CDH13: variants seen among roughly 807,000 people sequenced by gnomAD.
CDH13 encodes cadherin 13.
Under a neutral mutation model 63.8 loss-of-function variants are expected in CDH13, and 24 were observed. That is an observed-to-expected ratio of 0.38 (90% CI 0.27 to 0.53). The LOEUF (loss-of-function observed/expected upper bound fraction) is 0.53. CDH13 is among the 20% of genes least tolerant of loss of function. The probability of loss-of-function intolerance (pLI) is 0.85; values close to 1 mark genes in which losing one functional copy is unlikely to be tolerated. For synonymous variants in CDH13, 503 were observed against 355.3 expected (o/e 1.42, Z -4.67); for missense variants, 1,049 against 903.1 (o/e 1.16, Z -2.07).
chr16:83,375,967 C>A (rs937815327), intron 6 of CDH13, among the ~76,000 whole-genome samples: 1 of 151,752 alleles, frequency 6.6e-6, no homozygotes, highest in African/African-American at 2.4e-5. Context: ...TGAGTTTAAG[C>A]AGGGAAAAAA....
intron 3 of CDH13, among the ~76,000 whole-genome samples, chr16:83,090,205 T>G (rs1442987369): frequency 6.6e-6 from 1 of 152,156 alleles, no homozygotes; most frequent in Non-Finnish European, 1.5e-5. Flanking sequence ...TTCAGGCTCT[T>G]TCGTGCCTCC....
intron 2 of CDH13, among the ~76,000 whole-genome samples, chr16:82,958,667 G>C (rs151230034): frequency 0.012 from 1,838 of 152,318 alleles, 32 homozygotes; most frequent in African/African-American, 0.041. Context: ...GTAGAGAAGT[G>C]TAAGTTCAAA....
intron 5 of CDH13, among the ~76,000 whole-genome samples, chr16:83,259,954 C>A (rs1241753873): frequency 1.3e-5 from 2 of 152,048 alleles, no homozygotes; most frequent in African/African-American, 4.8e-5. Context: ...GTGATTCTAA[C>A]AATTGAAAGA....
chr16:83,747,981 A>G (rs1912742929), intron 10 of CDH13, 127 bp from the exon 11 acceptor site: 1 of 959,596 alleles, frequency 1.0e-6, no homozygotes, highest in African/African-American at 1.6e-5. Flanking sequence ...TGTAACAGAA[A>G]TGATGGTTTT....
intron 3 of CDH13, among the ~76,000 whole-genome samples, chr16:83,036,091 C>T (rs188794010): frequency 1.3e-3 from 190 of 147,834 alleles, no homozygotes; most frequent in Non-Finnish European, 2.2e-3. Context: ...TAGTAGGTGG[C>T]GGAAGAGGGC....
intron 1 of CDH13, among the ~76,000 whole-genome samples, chr16:82,775,334 C>T (rs368916316): frequency 2.2e-4 from 34 of 152,262 alleles, no homozygotes; most frequent in African/African-American, 7.2e-4. Context: ...TGAATAGTCA[C>T]GTGTGGATAT....
intron 4 of CDH13, among the ~76,000 whole-genome samples, chr16:83,169,435 G>A (rs1028848080): frequency 2.0e-5 from 3 of 151,966 alleles, no homozygotes; most frequent in Non-Finnish European, 2.9e-5. Flanking sequence ...TCGGCTTCCC[G>A]AAGTGCTGGG....
In CDH13 at chr16:83,047,916, C is replaced by A. The variant is rs1670430693; in HGVS notation, c.366+15698C>A. Among the ~76,000 whole-genome samples the A allele has an allele frequency of 6.6e-6, 1 of 151,986 alleles. No homozygotes were observed. The highest frequency in any genetic ancestry group is 2.1e-4 in the South Asian group (1 of 4,816). On this transcript the variant is annotated intron_variant, in intron 3 of 13. Coordinates refer to ENST00000567109, the MANE Select transcript of CDH13 (RefSeq NM_001257.5). This position sits in a 1 kb window ranked among gnomAD's most constrained non-coding sequence, Gnocchi z 4.9. The stretch of plus-strand genomic sequence containing the variant: ...GGAAGACGGGGAGACTATGTGTGAC[C>A]AGCACAGGGTCATACATCTAGAATA...
chr16:83,764,759 G>A (rs894776646), intron 11 of CDH13, among the ~76,000 whole-genome samples: 3 of 148,078 alleles, frequency 2.0e-5, no homozygotes, highest in African/African-American at 7.5e-5. Context: ...CCCTTGCCAC[G>A]GCTGCTCAGC....
chr16:83,181,744 GTC>G (rs2038353969), intron 4 of CDH13, among the ~76,000 whole-genome samples: 1 of 152,132 alleles, frequency 6.6e-6, no homozygotes, highest in Non-Finnish European at 1.5e-5. Context: ...ACTTGAGGGA[GTC>G]TCTGAATGCC....
Position 83,486,674 on chromosome 16 carries a change from A to G in CDH13, c.960+19A>G, listed in dbSNP as rs1309744447. 2.5e-6 allele frequency: 4 copies of G among 1,606,612 alleles called. No individual in the cohort carries two copies. The Admixed American group carries it at 5.0e-5, about 20-fold the overall frequency. ...CCGAGAGGTGAGCTGAAAAGAATACACTTTCTTTTTCACGAGAATAGAATG... is the reference window on the plus strand; with the variant it reads ...CCGAGAGGTGAGCTGAAAAGAATACGCTTTCTTTTTCACGAGAATAGAATG... On this transcript the variant is annotated intron_variant, in intron 7 of 13. Coordinates refer to ENST00000567109, the MANE Select transcript of CDH13 (RefSeq NM_001257.5).
chr16:83,366,768 G>A (rs556383963), intron 6 of CDH13, among the ~76,000 whole-genome samples: 16 of 152,250 alleles, frequency 1.1e-4, no homozygotes, highest in African/African-American at 3.4e-4. Context: ...AGAATTGCTG[G>A]AAAGTCTGAA....
chr16:83,549,192 GTGA>G (rs2075445242), intron 7 of CDH13, among the ~76,000 whole-genome samples: 1 of 152,172 alleles, frequency 6.6e-6, no homozygotes, highest in Admixed American at 6.5e-5. Context: ...CAGACAAGCT[GTGA>G]TGGAGTCCTT....
At chr16:82,854,760 G>C (rs2039622948) in intron 1 of CDH13, among the ~76,000 whole-genome samples, 1 of 152,106 alleles carries the variant, frequency 6.6e-6, no homozygotes, top group Non-Finnish European at 1.5e-5. Context: ...ACTTTTACAT[G>C]CTCCCAGAGA....
At chr16:83,777,698 C>G (rs1451038628) in intron 11 of CDH13, among the ~76,000 whole-genome samples, 1 of 152,238 alleles carries the variant, frequency 6.6e-6, no homozygotes, top group Non-Finnish European at 1.5e-5. Flanking sequence ...GGTCTCCTTG[C>G]TTCTTTGCTA....
At chr16:82,689,611 T>G in intron 1 of CDH13, among the ~76,000 whole-genome samples, 1 of 152,160 alleles carries the variant, frequency 6.6e-6, no homozygotes, top group Non-Finnish European at 1.5e-5. Context: ...TTGCTGCAAA[T>G]GGCAAATGTG....
At chr16:82,811,988 C>T (rs1461383412) in intron 1 of CDH13, among the ~76,000 whole-genome samples, 2 of 152,110 alleles carry the variant, frequency 1.3e-5, no homozygotes, top group Non-Finnish European at 2.9e-5. Flanking sequence ...GGAATAGAGA[C>T]ATGAGTAGGT....
At chr16:83,062,975 T>TTG (rs1283306280) in intron 3 of CDH13, among the ~76,000 whole-genome samples, 2 of 151,822 alleles carry the variant, frequency 1.3e-5, no homozygotes, top group East Asian at 3.9e-4. Flanking sequence ...TTTTTTTTTT[T>TTG]TTTTTGAGTC....
At chr16:82,683,867 C>T (rs1349462169) in intron 1 of CDH13, among the ~76,000 whole-genome samples, 1 of 152,056 alleles carries the variant, frequency 6.6e-6, no homozygotes, top group Admixed American at 6.5e-5. Context: ...GGTTAAGGTA[C>T]CGATGGTTTT....
Sources: allele counts gnomAD v4.1 joint callset (sites outside exome capture counted in the v4.1 genomes callset), GRCh38; gene constraint gnomAD v4.1.1; non-coding constraint Gnocchi (gnomAD v3.1); transcripts MANE v1.5; gene names NCBI Gene and HGNC (gene_info 2026-07-23, HGNC 2026-07-21).